The following TSHZ2 variants were observed in gnomAD, a reference collection of about 807,000 sequenced individuals.
The protein encoded by TSHZ2 is teashirt homolog 2.
A neutral mutation model predicts 74.4 loss-of-function variants in TSHZ2; 21 were observed. That is an observed-to-expected ratio of 0.28 (90% CI 0.20 to 0.41). The LOEUF (loss-of-function observed/expected upper bound fraction) is 0.41, where lower values mean the gene tolerates loss of function less well. Among genes scored for constraint, TSHZ2 ranks in the 10% least tolerant of loss-of-function variants. The pLI is 1.00. For missense variants in TSHZ2, 1,244 were observed against 1,293.5 expected (o/e 0.96, Z 0.59); for synonymous variants, 540 against 515.3 (o/e 1.05, Z -0.65).
intron 2 of TSHZ2, among the ~76,000 whole-genome samples, chr20:53,442,485 C>A (rs1255528898): frequency 1.3e-5 from 2 of 152,170 alleles, no homozygotes; most frequent in Non-Finnish European, 2.9e-5. Context: ...TGCTGATAAG[C>A]CAGTGCACGG....
intron 1 of TSHZ2, among the ~76,000 whole-genome samples, chr20:53,229,525 G>A (rs1989769528): frequency 6.6e-6 from 1 of 152,198 alleles, no homozygotes; most frequent in Non-Finnish European, 1.5e-5. Flanking sequence ...TAATCGTCAT[G>A]AGCCTAGAAC....
chr20:53,298,789 C>T (rs1991428409), intron 2 of TSHZ2, among the ~76,000 whole-genome samples: 1 of 152,156 alleles, frequency 6.6e-6, no homozygotes, highest in South Asian at 2.1e-4. Flanking sequence ...TCTAGTCTCC[C>T]TCCTTCTTAA....
intron 2 of TSHZ2, among the ~76,000 whole-genome samples, chr20:53,390,676 T>C (rs1220415994): frequency 1.3e-5 from 2 of 152,226 alleles, no homozygotes; most frequent in African/African-American, 4.8e-5. Context: ...GTAATGGGAT[T>C]GCTGGGTCAA....
intron 1 of TSHZ2, among the ~76,000 whole-genome samples, chr20:53,213,573 CAGAGAGAG>C (rs900106806): frequency 6.6e-6 from 1 of 151,620 alleles, no homozygotes; most frequent in Non-Finnish European, 1.5e-5. Context: ...ACACGAGAGA[CAGAGAGAG>C]AGAAAGAGAG....
chr20:53,031,769 C>A (rs1345661207), intron 1 of TSHZ2, among the ~76,000 whole-genome samples: 2 of 152,126 alleles, frequency 1.3e-5, no homozygotes, highest in Non-Finnish European at 2.9e-5. Context: ...TCAGCTCTTG[C>A]ATTCTGTAGC....
chr20:53,315,401 G>T (rs902003651), intron 2 of TSHZ2, among the ~76,000 whole-genome samples: 4 of 152,126 alleles, frequency 2.6e-5, no homozygotes, highest in Non-Finnish European at 5.9e-5. Context: ...AACTTTCCAC[G>T]TTTTGATCCT....
At chr20:53,233,650 T>C (rs1488944786) in intron 1 of TSHZ2, among the ~76,000 whole-genome samples, 1 of 152,184 alleles carries the variant, frequency 6.6e-6, no homozygotes, top group Non-Finnish European at 1.5e-5. Context: ...GAGCTGGGAT[T>C]TTCCTCATCT....
chr20:53,171,305 C>T (rs2249121), intron 1 of TSHZ2, among the ~76,000 whole-genome samples: 9,531 of 152,156 alleles, frequency 0.063, 362 homozygotes, highest in Non-Finnish European at 0.078. Context: ...TTAGATGTGC[C>T]GATAACAATG....
At chr20:53,075,939 T>C (rs998083339) in intron 1 of TSHZ2, among the ~76,000 whole-genome samples, 21 of 152,188 alleles carry the variant, frequency 1.4e-4, no homozygotes, top group Non-Finnish European at 1.9e-4. Flanking sequence ...ACTGAAACAC[T>C]GATTCCTTGT....
intron 1 of TSHZ2, among the ~76,000 whole-genome samples, chr20:53,223,677 T>C (rs956206778): frequency 5.3e-5 from 8 of 152,142 alleles, no homozygotes; most frequent in Non-Finnish European, 8.8e-5. Flanking sequence ...ATTACAGACA[T>C]GAGCCACTGC....
chr20:53,227,839 C>T (rs1989719516), intron 1 of TSHZ2, among the ~76,000 whole-genome samples: 1 of 152,038 alleles, frequency 6.6e-6, no homozygotes, highest in African/African-American at 2.4e-5. Context: ...GGGAGTGAGG[C>T]TGTTACAGTA....
chr20:53,126,999 G>C (rs1299901482), intron 1 of TSHZ2, among the ~76,000 whole-genome samples: 1 of 151,928 alleles, frequency 6.6e-6, no homozygotes, highest in East Asian at 1.9e-4. Context: ...ATAATTATTG[G>C]CTGAAGGAAG....
chr20:53,464,266 A>G (rs1481398682), intron 2 of TSHZ2, among the ~76,000 whole-genome samples: 2 of 152,188 alleles, frequency 1.3e-5, no homozygotes, highest in African/African-American at 4.8e-5. Flanking sequence ...CCAATATATT[A>G]TTCATGACAA....
chr20:53,116,861 A>G (rs1600698956), intron 1 of TSHZ2, among the ~76,000 whole-genome samples: 1 of 152,166 alleles, frequency 6.6e-6, no homozygotes, highest in African/African-American at 2.4e-5. Context: ...AGCAAGAACC[A>G]CGGGCTATGT....
chr20:53,048,761 TCC>T lies in TSHZ2; in HGVS notation c.40+75431_40+75432del, dbSNP rs1405350687. On this transcript the variant is annotated intron_variant, in intron 1 of 2. Transcript: ENST00000371497. ...TCAGTGCAGAAAAGCTTTTCTTTTTTCCCCTTTTGTATGGGATTTTGTGAGTG... is the reference window on the plus strand; with the variant it reads ...TCAGTGCAGAAAAGCTTTTCTTTTTTCCTTTTGTATGGGATTTTGTGAGTG... 4.6e-5 allele frequency among the ~76,000 whole-genome samples: 7 copies of T among 152,306 alleles called. No homozygotes were observed. In the South Asian group the frequency reaches 1.5e-3, roughly 32 times the overall value.
Position 53,389,806 on chromosome 20 carries a change from G to T in TSHZ2, c.*9-97338G>T, listed in dbSNP as rs559396764. Among the ~76,000 whole-genome samples, 4 of 152,334 alleles carry T rather than the reference G, an allele frequency of 2.6e-5. No individual in the cohort carries two copies. In the East Asian group the frequency reaches 7.7e-4, roughly 29 times the overall value. ...GTGCTACTGGCATCTAGTGAGTAGA[G>T]GCCAGGAAAGCTGCTAAATATCTTA... On this transcript the variant is annotated intron_variant, in intron 2 of 2. Transcript: ENST00000371497.
chr20:53,321,132 A>G (rs1451669884), intron 2 of TSHZ2, among the ~76,000 whole-genome samples: 2 of 152,266 alleles, frequency 1.3e-5, no homozygotes, highest in Non-Finnish European at 2.9e-5. Flanking sequence ...CAGGTTTTCA[A>G]TAATGAAATT....
intron 1 of TSHZ2, among the ~76,000 whole-genome samples, chr20:53,183,811 G>T (rs570940849): frequency 5.3e-5 from 8 of 152,208 alleles, no homozygotes; most frequent in Non-Finnish European, 1.0e-4. Context: ...AGGCAGCATC[G>T]TTAGAGTAGC....
chr20:53,465,830 T>G (rs1005842932), intron 2 of TSHZ2, among the ~76,000 whole-genome samples: 32 of 152,220 alleles, frequency 2.1e-4, no homozygotes, highest in South Asian at 6.2e-4. Flanking sequence ...ACCATTAAAA[T>G]GAATACAAAC....
Sources: allele counts gnomAD v4.1 joint callset (sites outside exome capture counted in the v4.1 genomes callset), GRCh38; gene constraint gnomAD v4.1.1; transcripts MANE v1.5; gene names NCBI Gene and HGNC (gene_info 2026-07-23, HGNC 2026-07-21).